Variants in DLGAP2 observed in about 807,000 individuals in gnomAD.
The protein encoded by DLGAP2 is disks large-associated protein 2.
Under a neutral mutation model 100.3 loss-of-function variants are expected in DLGAP2, and 26 were observed. That is an observed-to-expected ratio of 0.26 (90% CI 0.19 to 0.36). The LOEUF is 0.36. Among genes scored for constraint, DLGAP2 ranks in the 10% least tolerant of loss-of-function variants. The pLI is 1.00. For synonymous variants in DLGAP2, 886 were observed against 630.1 expected (o/e 1.41, Z -6.08); for missense variants, 1,858 against 1,453.2 (o/e 1.28, Z -4.53).
chr8:1,094,298 C>G (rs1211259911), intron 2 of DLGAP2, among the ~76,000 whole-genome samples: 1 of 152,202 alleles, frequency 6.6e-6, no homozygotes, highest in Non-Finnish European at 1.5e-5. Context: ...GGCATTTTAA[C>G]TTTAATTATG....
rs115335344 is a variant in DLGAP2 at position 1,162,952 on chromosome 8, G to T, written c.74-95899G>T. On this transcript the variant is annotated intron_variant, in intron 2 of 14. Coordinates refer to ENST00000637795, the MANE Select transcript of DLGAP2 (RefSeq NM_001346810.2). The stretch of plus-strand genomic sequence containing the variant: ...GCTGAGGGGGCTGCCATCTGGGGAG[G>T]AAAGTCAGAGCTTGGTAGAAGGCAC... Among the ~76,000 whole-genome samples the T allele has an allele frequency of 4.8e-3, 738 of 152,346 alleles. 8 individuals are homozygous for T. Among genetic ancestry groups the T allele is most frequent in the African/African-American group, 0.017 (702 of 41,580 alleles).
chr8:1,635,359 A>G (rs1797741935), intron 8 of DLGAP2, among the ~76,000 whole-genome samples: 1 of 152,226 alleles, frequency 6.6e-6, no homozygotes, highest in Non-Finnish European at 1.5e-5. Context: ...AATTTCATCC[A>G]AAGTTTCCTG....
chr8:1,323,598 G>C (rs116196686), intron 3 of DLGAP2, among the ~76,000 whole-genome samples: 1 of 152,340 alleles, frequency 6.6e-6, no homozygotes, highest in African/African-American at 2.4e-5. Context: ...AGCAGCTCCT[G>C]CTGTACGGGG....
chr8:1,330,934 G>A (rs1038407940), intron 3 of DLGAP2, among the ~76,000 whole-genome samples: 1 of 147,782 alleles, frequency 6.8e-6, no homozygotes, highest in African/African-American at 2.5e-5. Flanking sequence ...CTGAGTTCTG[G>A]GTGGGACTGA....
At chr8:768,605 T>G (rs983973096) in intron 1 of DLGAP2, among the ~76,000 whole-genome samples, 16 of 151,718 alleles carry the variant, frequency 1.1e-4, no homozygotes, top group Admixed American at 1.1e-3. Context: ...TTTGTATTTT[T>G]AGTAGAGATG....
At chr8:1,438,461 G>A (rs1043365091) in intron 3 of DLGAP2, among the ~76,000 whole-genome samples, 3 of 151,920 alleles carry the variant, frequency 2.0e-5, no homozygotes, top group Admixed American at 6.6e-5. Flanking sequence ...ACAGTAACAA[G>A]GCCCAAAGAG....
intron 2 of DLGAP2, among the ~76,000 whole-genome samples, chr8:1,080,333 G>A (rs111760749): frequency 9.9e-5 from 15 of 152,202 alleles, no homozygotes; most frequent in African/African-American, 3.6e-4. Context: ...CTTTCCTCAA[G>A]TGCCTTGTTA....
At chr8:746,925 G>C (rs899353108) in intron 1 of DLGAP2, among the ~76,000 whole-genome samples, 3 of 152,182 alleles carry the variant, frequency 2.0e-5, no homozygotes, top group African/African-American at 7.2e-5. Flanking sequence ...GGCCCTGCAG[G>C]CGTGATGGGG....
chr8:1,435,715 T>C (rs1007947766), intron 3 of DLGAP2, among the ~76,000 whole-genome samples: 2 of 151,648 alleles, frequency 1.3e-5, no homozygotes, highest in Non-Finnish European at 2.9e-5. Context: ...GGCACTGTGG[T>C]CGTAGGCGAT....
chr8:1,287,509 G>T (rs1799960222), intron 3 of DLGAP2, among the ~76,000 whole-genome samples: 2 of 98,612 alleles, frequency 2.0e-5, no homozygotes, highest in African/African-American at 4.7e-5. Flanking sequence ...TCTGTTAGGA[G>T]GGGAACTAGT....
intron 3 of DLGAP2, among the ~76,000 whole-genome samples, chr8:1,489,455 AGAAG>A (rs1799315742): frequency 6.6e-6 from 1 of 152,200 alleles, no homozygotes; most frequent in African/African-American, 2.4e-5. Flanking sequence ...CGTTAGAGGA[AGAAG>A]GAAGGAAGCT....
intron 2 of DLGAP2, among the ~76,000 whole-genome samples, chr8:1,122,850 C>T (rs1321588856): frequency 6.6e-6 from 1 of 151,918 alleles, no homozygotes; most frequent in African/African-American, 2.4e-5. Flanking sequence ...CAGTAGCTCC[C>T]CTCGTATTTG....
intron 3 of DLGAP2, among the ~76,000 whole-genome samples, chr8:1,262,130 G>C (rs944044754): frequency 6.6e-6 from 1 of 152,216 alleles, no homozygotes; most frequent in Non-Finnish European, 1.5e-5. Flanking sequence ...AATTAGCCCA[G>C]TCTCAGATGA....
chr8:1,492,796 G>A (rs1339425552), intron 3 of DLGAP2, among the ~76,000 whole-genome samples: 3 of 152,212 alleles, frequency 2.0e-5, no homozygotes, highest in African/African-American at 7.2e-5. Context: ...ACCCATGGGA[G>A]GCCAATAAGG....
At chr8:1,447,703 A>T (rs1354370873) in intron 3 of DLGAP2, among the ~76,000 whole-genome samples, 1 of 152,140 alleles carries the variant, frequency 6.6e-6, no homozygotes, top group Non-Finnish European at 1.5e-5. Flanking sequence ...TCGGCTGTGA[A>T]TCCATTTGGT....
intron 2 of DLGAP2, among the ~76,000 whole-genome samples, chr8:1,191,504 T>C (rs1472693668): frequency 1.3e-5 from 2 of 152,230 alleles, no homozygotes; most frequent in African/African-American, 4.8e-5. Flanking sequence ...TCTACAATCC[T>C]GTCTAAAGTA....
At chr8:1,112,735 G>A (rs1178111580) in intron 2 of DLGAP2, among the ~76,000 whole-genome samples, 1 of 152,162 alleles carries the variant, frequency 6.6e-6, no homozygotes, top group Non-Finnish European at 1.5e-5. Context: ...GATCCCATTT[G>A]TCAATTTCCC....
chr8:942,187 G>A (rs984402551), intron 2 of DLGAP2, among the ~76,000 whole-genome samples: 1 of 152,180 alleles, frequency 6.6e-6, no homozygotes, highest in Non-Finnish European at 1.5e-5. Flanking sequence ...GGGCTTAAGT[G>A]ATCCTCCTAT....
intron 1 of DLGAP2, among the ~76,000 whole-genome samples, chr8:857,406 A>G (rs1020938767): frequency 6.6e-6 from 1 of 152,228 alleles, no homozygotes; most frequent in Non-Finnish European, 1.5e-5. Flanking sequence ...CAAAGTCCAG[A>G]CCGGGAGAAA....
Sources: allele counts gnomAD v4.1 joint callset (sites outside exome capture counted in the v4.1 genomes callset), GRCh38; gene constraint gnomAD v4.1.1; transcripts MANE v1.5; gene names NCBI Gene and HGNC (gene_info 2026-07-23, HGNC 2026-07-21).